GALNT12: variants seen among roughly 807,000 people sequenced by gnomAD.
GALNT12 encodes the protein polypeptide N-acetylgalactosaminyltransferase 12.
GALNT12 carries 45 observed loss-of-function variants against 55.5 expected under a neutral mutation model. That is an observed-to-expected ratio of 0.81 (90% CI 0.64 to 1.04). The LOEUF (loss-of-function observed/expected upper bound fraction) is 1.04, where lower values mean the gene tolerates loss of function less well. GALNT12 is among the 50% of genes least tolerant of loss of function. The pLI, the probability that GALNT12 is intolerant of heterozygous loss-of-function variation, is 0.00. For synonymous variants in GALNT12, 304 were observed against 312.2 expected (o/e 0.97, Z 0.28); for missense variants, 709 against 754.8 (o/e 0.94, Z 0.71).
chr9:98,811,036 C>T (rs941147577), intron 1 of GALNT12, among the ~76,000 whole-genome samples: 8 of 152,106 alleles, frequency 5.3e-5, no homozygotes, highest in Admixed American at 6.5e-5. Context: ...CCCTGGGGAA[C>T]TTTAAAAAAT....
At chr9:98,835,679 T>C (rs1289804145) in intron 5 of GALNT12, among the ~76,000 whole-genome samples, 1 of 152,170 alleles carries the variant, frequency 6.6e-6, no homozygotes, top group Non-Finnish European at 1.5e-5. Context: ...ATTAATTCCT[T>C]ATGAAGTGGC....
At chr9:98,844,361 A>G (rs1227914708) in intron 8 of GALNT12, 152 bp downstream of exon 8, 1 of 652,864 alleles carries the variant, frequency 1.5e-6, no homozygotes, top group East Asian at 2.7e-5. Context: ...TAAAATTAAA[A>G]TGTGTTTTCT....
chr9:98,814,142 AGGGGTAGG>A (rs1340778246), intron 1 of GALNT12, among the ~76,000 whole-genome samples: 1 of 152,068 alleles, frequency 6.6e-6, no homozygotes, highest in Non-Finnish European at 1.5e-5. Context: ...TAACCTTCCC[AGGGGTAGG>A]GGTGTGTGTC....
rs564552073 is a variant in GALNT12 at position 98,849,121 on chromosome 9, G to A, written c.*29G>A. 32 of 1,613,148 alleles carry A rather than the reference G, an allele frequency of 2.0e-5. No individual in the cohort carries two copies. The South Asian group carries it at 2.3e-4, about 12-fold the overall frequency. ...CTCGTGTATCAAGGAGCCCATCGAA[G>A]GAGACTGTGGAGCCAGGACTCTGCC... On this transcript the variant is annotated 3_prime_UTR_variant, in exon 10 of 10. Coordinates refer to ENST00000375011, the MANE Select transcript of GALNT12 (RefSeq NM_024642.5).
At position 98,831,943 on chromosome 9, in the gene GALNT12, C is replaced by G. The variant is rs191834824; in HGVS notation, c.903C>G (p.Pro301=). 9.1e-5 allele frequency: 147 copies of G among 1,613,686 alleles called. 1 individual carries two copies. Among genetic ancestry groups the G allele is most frequent in the Non-Finnish European group, 1.1e-4 (131 of 1,179,880 alleles). ...GGGAGAGGATACGGATGCAATCCCC[C>G]GTCGATGTCATCAGGTCAGGAGCTG... ...PERERIRMQS[P]VDVIRSPTMA... The change falls in exon 4 of 10, where the codon CCC becomes CCG. Residue 301 remains proline, a synonymous_variant. Coordinates refer to ENST00000375011, the MANE Select transcript of GALNT12 (RefSeq NM_024642.5).
chr9:98,829,562 C>T (rs973920414), intron 3 of GALNT12, among the ~76,000 whole-genome samples: 4 of 150,824 alleles, frequency 2.7e-5, no homozygotes, highest in South Asian at 4.2e-4. Context: ...GCAACTGGTA[C>T]GTCTTATTCA....
In GALNT12 at chr9:98,839,047, G is replaced by A. The variant is rs746737602; in HGVS notation, c.1213-955G>A. On this transcript the variant is annotated intron_variant, in intron 6 of 9. Transcript: ENST00000375011. ...ATGGTCATTTGCTTCTGCCTCCTCC[G>A]TCTTGCCCAGCACCATAGAGTAGAA... is the stretch of plus-strand genomic sequence containing the variant. Among the ~76,000 whole-genome samples the A allele has an allele frequency of 2.0e-5, 3 of 151,932 alleles. No homozygotes were observed. In the East Asian group the frequency reaches 5.8e-4, roughly 29 times the overall value.
chr9:98,849,469 A>G lies in GALNT12; in HGVS notation c.*377A>G. On this transcript the variant is annotated 3_prime_UTR_variant, in exon 10 of 10. Coordinates refer to ENST00000375011, the MANE Select transcript of GALNT12 (RefSeq NM_024642.5). ...TATTTTGGTATTTACAAGAATTCCC[A>G]GGTACGAAGATATCTGCATGGGTGG... 1.9e-6 allele frequency: 1 copy of G among 535,014 alleles called. No individual in the cohort carries two copies. The highest frequency in any genetic ancestry group is 3.3e-6 in the Non-Finnish European group (1 of 307,540). 33.1% of individuals were successfully genotyped at this position (535,014 alleles called of 1,614,324 possible). A position where few individuals can be genotyped will look rare whatever the true frequency, so the allele number is the denominator to read the frequency against.
Position 98,835,279 on chromosome 9 carries a change from T to A in GALNT12, c.948T>A (p.Ala316=). The change falls in exon 5 of 10, where the codon GCT becomes GCA. Residue 316 remains alanine (A), a synonymous_variant. Coordinates refer to ENST00000375011, the MANE Select transcript of GALNT12 (RefSeq NM_024642.5). ...RSPTMAGGLF[A]VSKKYFEYLG... is the part of the protein sequence containing the mutation. Reference sequence around the variant, plus strand: ...CAACAATGGCTGGTGGGCTGTTTGCTGTGAGTAAGAAATATTTTGAATATC... The same window carrying A: ...CAACAATGGCTGGTGGGCTGTTTGCAGTGAGTAAGAAATATTTTGAATATC... 6.2e-7 allele frequency: 1 copy of A among 1,614,018 alleles called. No homozygotes were observed. The highest frequency in any genetic ancestry group is 1.7e-5 in the Admixed American group (1 of 60,018).
At chr9:98,827,156 GCC>G (rs760254827) in intron 3 of GALNT12, among the ~76,000 whole-genome samples, 6 of 152,272 alleles carry the variant, frequency 3.9e-5, no homozygotes, top group Admixed American at 1.3e-4. Flanking sequence ...GCTGGAGAAG[GCC>G]CTGTGTCACT....
In GALNT12 at chr9:98,807,960, G is replaced by A. The variant is rs1330744547; in HGVS notation, c.262G>A (p.Gly88Ser). The A allele has an allele frequency of 2.7e-6, 4 of 1,462,016 alleles. No homozygotes were observed. The highest frequency in any genetic ancestry group is 2.7e-5 in the South Asian group (2 of 75,272). 90.6% of individuals were successfully genotyped at this position (1,462,016 alleles called of 1,614,324 possible). The change falls in exon 1 of 10, where the codon GGC becomes AGC. Residue 88 changes from glycine (G) to serine (S), a missense_variant. Coordinates refer to ENST00000375011, the MANE Select transcript of GALNT12 (RefSeq NM_024642.5). ...RGEAVRLQLQ[G>S]EELRLQEESV... ...CGAGGCGGTGCGGCTGCAGCTGCAG[G>A]GCGAGGAGCTGCGGCTGCAGGAGGA... is the stretch of plus-strand genomic sequence containing the variant.
chr9:98,839,696 G>T (rs1435347847), intron 6 of GALNT12, among the ~76,000 whole-genome samples: 1 of 151,492 alleles, frequency 6.6e-6, no homozygotes, highest in East Asian at 2.0e-4. Flanking sequence ...TGCCAGTGCA[G>T]CCCCAGGGCT....
At chr9:98,843,198 T>C (rs1265532663) in intron 7 of GALNT12, among the ~76,000 whole-genome samples, 1 of 152,240 alleles carries the variant, frequency 6.6e-6, no homozygotes, top group Non-Finnish European at 1.5e-5. Flanking sequence ...AATCTTGGTT[T>C]TAAACAATAT....
intron 7 of GALNT12, 30 bp downstream of exon 7, chr9:98,840,163 C>A: frequency 6.2e-7 from 1 of 1,611,706 alleles, no homozygotes; most frequent in Non-Finnish European, 8.5e-7. Flanking sequence ...CCACGGCAGG[C>A]AGGGACTTCC....
chr9:98,826,813 C>T lies in GALNT12; in HGVS notation c.603C>T (p.Arg201=), dbSNP rs1202870372. The T allele has an allele frequency of 3.7e-6, 6 of 1,612,118 alleles. No individual in the cohort carries two copies. Among genetic ancestry groups the T allele is most frequent in the Non-Finnish European group, 5.1e-6 (6 of 1,179,760 alleles). ...GACTGCCCAAGGTGCGCCTGATCCG[C>T]GCCAACAAGAGAGAGGGCCTGGTGC... The part of the protein sequence containing the change: ...LSGLPKVRLI[R]ANKREGLVRA... The change falls in exon 3 of 10, where the codon CGC becomes CGT. Residue 201 remains arginine (R), a synonymous_variant. Coordinates refer to ENST00000375011, the MANE Select transcript of GALNT12 (RefSeq NM_024642.5).
At chr9:98,840,155 AC>A in intron 7 of GALNT12, 22 bp downstream of exon 7, 1 of 1,612,304 alleles carries the variant, frequency 6.2e-7, no homozygotes, top group African/African-American at 1.3e-5. Flanking sequence ...TGGTGGGCCC[AC>A]GGCAGGCAGG....
chr9:98,820,273 T>C (rs527667062), intron 1 of GALNT12, among the ~76,000 whole-genome samples: 27 of 152,260 alleles, frequency 1.8e-4, no homozygotes, highest in African/African-American at 6.3e-4. Flanking sequence ...CAGGCCCCAG[T>C]GTGTGTTGTT....
At chr9:98,820,814 CTT>C (rs1263004918) in intron 1 of GALNT12, among the ~76,000 whole-genome samples, 1 of 152,178 alleles carries the variant, frequency 6.6e-6, no homozygotes, top group African/African-American at 2.4e-5. Flanking sequence ...GATTGTATCT[CTT>C]CTTATTGGTT....
chr9:98,817,607 G>T (rs956330753), intron 1 of GALNT12, among the ~76,000 whole-genome samples: 1 of 152,028 alleles, frequency 6.6e-6, no homozygotes, highest in African/African-American at 2.4e-5. Flanking sequence ...GGGACTACAG[G>T]TGCCCACCAC....
Sources: gnomAD v4.1 joint callset for allele counts (sites outside exome capture counted in the v4.1 genomes callset) on GRCh38, gnomAD v4.1.1 for gene constraint, MANE v1.5 for transcripts, NCBI Gene and HGNC (gene_info 2026-07-23, HGNC 2026-07-21) for gene names.